Variants in ACYP2 observed in about 807,000 individuals in gnomAD.
ACYP2 encodes acylphosphatase 2, also known as acylphosphatase-2.
In ACYP2, 12 loss-of-function variants were observed where a neutral mutation model predicts 11.2. That is an observed-to-expected ratio of 1.08 (90% CI 0.69 to 1.74). The LOEUF is 1.74. Among genes scored for constraint, ACYP2 ranks in the 40% most tolerant of loss-of-function variants. The probability of loss-of-function intolerance (pLI) is 0.00; values close to 1 mark genes in which losing one functional copy is unlikely to be tolerated. For synonymous variants in ACYP2, 43 were observed against 32.2 expected (o/e 1.33, Z -1.13); for missense variants, 134 against 101.9 (o/e 1.31, Z -1.35).
At chr2:54,136,729 AC>A (rs1681263194) in intron 5 of ACYP2, among the ~76,000 whole-genome samples, 1 of 152,166 alleles carries the variant, frequency 6.6e-6, no homozygotes, top group South Asian at 2.1e-4. Flanking sequence ...TAATCCCAGC[AC>A]TTTGGGAGGC....
intron 6 of ACYP2, among the ~76,000 whole-genome samples, chr2:54,203,872 A>G (rs77328180): frequency 0.018 from 2,752 of 152,126 alleles, 71 homozygotes; most frequent in African/African-American, 0.064. Flanking sequence ...ATTTCTTCCA[A>G]TCACCTTATA....
At chr2:53,984,582 T>A (rs1671930711) in intron 2 of ACYP2, among the ~76,000 whole-genome samples, 1 of 151,226 alleles carries the variant, frequency 6.6e-6, no homozygotes, top group Admixed American at 6.6e-5. Flanking sequence ...AAAAAGAAAT[T>A]CAAGTGAATT....
intron 6 of ACYP2, among the ~76,000 whole-genome samples, chr2:54,257,704 T>C (rs1440094031): frequency 6.6e-6 from 1 of 152,142 alleles, no homozygotes; most frequent in Non-Finnish European, 1.5e-5. Context: ...GAGAGAAAAT[T>C]ATAGTCACAT....
chr2:54,106,704 C>T (rs1679184837), intron 4 of ACYP2, among the ~76,000 whole-genome samples: 1 of 152,138 alleles, frequency 6.6e-6, no homozygotes, highest in South Asian at 2.1e-4. Flanking sequence ...CTGCATCTGC[C>T]TCCTGAGTAG....
At chr2:54,208,158 C>T (rs1179546511) in intron 6 of ACYP2, among the ~76,000 whole-genome samples, 2 of 151,764 alleles carry the variant, frequency 1.3e-5, no homozygotes, top group African/African-American at 4.8e-5. Flanking sequence ...GTATGTGTGT[C>T]ACCAAGTTTT....
At chr2:54,078,411 CATATATGGTACGCATATAT>C (rs1677460889) in intron 4 of ACYP2, among the ~76,000 whole-genome samples, 1 of 144,494 alleles carries the variant, frequency 6.9e-6, no homozygotes, top group Non-Finnish European at 1.5e-5. Flanking sequence ...ATATGCGTAC[CATATATGGTACGCATATAT>C]ATATATGGAA....
Position 54,278,248 on chromosome 2 carries a change from G to A in ACYP2, c.405-26440G>A, listed in dbSNP as rs1014796032. Among the ~76,000 whole-genome samples the A allele has an allele frequency of 3.9e-5, 6 of 152,312 alleles. No individual in the cohort carries two copies. The South Asian group carries it at 6.2e-4, about 16-fold the overall frequency. ...CCGCCTCGGACTCCCAAATTGCTGG[G>A]ATTACAGGCGTCAGCCACCGCACCT... On this transcript the variant is annotated intron_variant, in intron 6 of 6. Coordinates refer to ENST00000607452, the MANE Select transcript of ACYP2 (RefSeq NM_001320586.2).
At chr2:54,058,673 CT>C (rs1228581319) in intron 4 of ACYP2, among the ~76,000 whole-genome samples, 2 of 148,648 alleles carry the variant, frequency 1.3e-5, no homozygotes, top group African/African-American at 4.9e-5. Flanking sequence ...GACAGGTTTA[CT>C]TTAGATAAAA....
intron 6 of ACYP2, among the ~76,000 whole-genome samples, chr2:54,174,075 A>G (rs1302847854): frequency 6.6e-6 from 1 of 152,202 alleles, no homozygotes; most frequent in Non-Finnish European, 1.5e-5. Flanking sequence ...GAAGAAAGTC[A>G]TTGGTAGCTT....
intron 6 of ACYP2, among the ~76,000 whole-genome samples, chr2:54,205,693 A>G (rs1401810223): frequency 2.0e-5 from 3 of 152,138 alleles, no homozygotes; most frequent in Admixed American, 2.0e-4. Context: ...ATGTCTTCCA[A>G]ATATTTTCAT....
intron 6 of ACYP2, among the ~76,000 whole-genome samples, chr2:54,157,178 C>T (rs562403326): frequency 1.3e-5 from 2 of 152,110 alleles, no homozygotes; most frequent in South Asian, 4.2e-4. Flanking sequence ...ATACCATAGT[C>T]CTATACATTT....
intron 2 of ACYP2, among the ~76,000 whole-genome samples, chr2:54,024,246 G>C (rs1674158188): frequency 1.3e-5 from 2 of 151,902 alleles, no homozygotes; most frequent in Non-Finnish European, 2.9e-5. Flanking sequence ...CGTGCCTGTA[G>C]TCCCACCTAC....
intron 6 of ACYP2, among the ~76,000 whole-genome samples, chr2:54,201,594 CTCTTTCTTTCTT>C (rs1553391220): frequency 3.1e-5 from 3 of 95,782 alleles, no homozygotes; most frequent in African/African-American, 8.0e-5. Flanking sequence ...TTCTTTCTTT[CTCTTTCTTTCTT>C]TCTTTCTTTC....
intron 4 of ACYP2, among the ~76,000 whole-genome samples, chr2:54,116,100 C>T (rs999961668): frequency 2.0e-5 from 3 of 152,102 alleles, no homozygotes; most frequent in African/African-American, 7.2e-5. Context: ...AACTAGTGGT[C>T]TCGTTGCTTG....
chr2:54,247,857 T>C (rs1687031970), intron 6 of ACYP2, among the ~76,000 whole-genome samples: 1 of 152,222 alleles, frequency 6.6e-6, no homozygotes, highest in South Asian at 2.1e-4. Flanking sequence ...GCTGGGTGAC[T>C]GGACAGAAGT....
At chr2:54,224,719 C>T (rs201570606) in intron 6 of ACYP2, among the ~76,000 whole-genome samples, 3 of 151,840 alleles carry the variant, frequency 2.0e-5, no homozygotes, top group Admixed American at 1.3e-4. Context: ...GGTACCAGCC[C>T]GTCTGCCTAG....
At chr2:54,038,512 T>A (rs1400583552) in intron 2 of ACYP2, among the ~76,000 whole-genome samples, 3 of 151,798 alleles carry the variant, frequency 2.0e-5, no homozygotes, top group African/African-American at 4.8e-5. Context: ...ATTTAATCCT[T>A]GTAATAGTCC....
chr2:54,225,948 A>G (rs1682119), intron 6 of ACYP2, among the ~76,000 whole-genome samples: 39,087 of 151,950 alleles, frequency 0.26, 5,218 homozygotes, highest in South Asian at 0.46. Context: ...TCAGGAGATG[A>G]CGGTCTAGTC....
intron 6 of ACYP2, among the ~76,000 whole-genome samples, chr2:54,147,915 G>T (rs929938154): frequency 3.3e-5 from 5 of 152,148 alleles, no homozygotes; most frequent in Admixed American, 6.6e-5. Flanking sequence ...TAAGTTAACA[G>T]AAAACTGGAC....
Sources: allele counts gnomAD v4.1 joint callset (sites outside exome capture counted in the v4.1 genomes callset), GRCh38; gene constraint gnomAD v4.1.1; transcripts MANE v1.5; gene names NCBI Gene and HGNC (gene_info 2026-07-23, HGNC 2026-07-21).